The following CCDC148 variants were observed in gnomAD, a reference collection of about 807,000 sequenced individuals.
The protein encoded by CCDC148 is coiled-coil domain-containing protein 148.
A neutral mutation model predicts 85.7 loss-of-function variants in CCDC148; 89 were observed. The ratio of observed to expected loss-of-function variants is 1.04; its 90% CI spans 0.87 to 1.24. CCDC148 has a LOEUF of 1.24. Among genes scored for constraint, CCDC148 ranks in the 50% most tolerant of loss-of-function variants. The pLI, the probability that CCDC148 is intolerant of heterozygous loss-of-function variation, is 0.00. For synonymous variants in CCDC148, 230 were observed against 213.9 expected (o/e 1.08, Z -0.66); for missense variants, 692 against 671.7 (o/e 1.03, Z -0.33).
chr2:158,281,274 A>G (rs1690279120), intron 9 of CCDC148, among the ~76,000 whole-genome samples: 1 of 152,096 alleles, frequency 6.6e-6, no homozygotes, highest in South Asian at 2.1e-4. Context: ...AAATAACGAA[A>G]ATCAGAGCAG....
chr2:158,362,068 C>A (rs1183372518), intron 1 of CCDC148, among the ~76,000 whole-genome samples: 3 of 147,530 alleles, frequency 2.0e-5, no homozygotes, highest in Non-Finnish European at 4.5e-5. Flanking sequence ...CAACAAAAAT[C>A]AAAAGAGACA....
rs1163440123 is a variant in CCDC148, at chr2:158,456,511, C to T, written c.-72G>A. ...AAAGTGAAACGCCCACTCCTGGGCT[C>T]TCGCCGTCAGGGGTACATCTAAGGG... On this transcript the variant is annotated 5_prime_UTR_variant, in exon 1 of 14. Transcript: ENST00000283233. 29 of 1,563,860 alleles carry T rather than the reference C, an allele frequency of 1.9e-5. No homozygotes were observed. The highest frequency in any genetic ancestry group is 2.5e-5 in the Non-Finnish European group (29 of 1,153,682).
chr2:158,217,374 G>GTATATA (rs762560897), intron 11 of CCDC148, among the ~76,000 whole-genome samples: 39 of 98,520 alleles, frequency 4.0e-4, no homozygotes, highest in Non-Finnish European at 7.6e-4. Context: ...GTGTGTGTGT[G>GTATATA]TATATATATA....
chr2:158,398,371 T>G (rs971950676), intron 1 of CCDC148, among the ~76,000 whole-genome samples: 2 of 152,124 alleles, frequency 1.3e-5, no homozygotes, highest in African/African-American at 4.8e-5. Context: ...GACCACATAG[T>G]TGGAAGTAAA....
In CCDC148 at chr2:158,278,050, T is replaced by C. The variant is rs531670192; in HGVS notation, c.1111-27138A>G. Among the ~76,000 whole-genome samples the C allele has an allele frequency of 6.6e-5, 10 of 152,328 alleles. No homozygotes were observed. In the South Asian group the frequency reaches 1.9e-3, roughly 28 times the overall value. ...CCTCAGTCATTAGAGTGTCCCCTTC[T>C]AACCAGATCCACAAATAATCTATGT... On this transcript the variant is annotated intron_variant, in intron 9 of 13. Transcript: ENST00000283233.
At chr2:158,380,632 T>G (rs1218167333) in intron 1 of CCDC148, among the ~76,000 whole-genome samples, 2 of 152,160 alleles carry the variant, frequency 1.3e-5, no homozygotes, top group Non-Finnish European at 2.9e-5. Context: ...TTTAAAAATA[T>G]GTATAGAAAT....
intron 3 of CCDC148, among the ~76,000 whole-genome samples, chr2:158,344,693 A>G (rs568749786): frequency 6.6e-6 from 1 of 152,224 alleles, no homozygotes; most frequent in Admixed American, 6.5e-5. Flanking sequence ...AAATAATAAC[A>G]AAAGTCAAAA....
At chr2:158,256,892 G>A (rs1244697322) in intron 9 of CCDC148, among the ~76,000 whole-genome samples, 1 of 151,692 alleles carries the variant, frequency 6.6e-6, no homozygotes, top group African/African-American at 2.4e-5. Context: ...TGTTTGGAAT[G>A]ACCCAAGGGA....
chr2:158,216,901 G>GCAA (rs557665511), intron 11 of CCDC148, among the ~76,000 whole-genome samples: 384 of 152,200 alleles, frequency 2.5e-3, no homozygotes, highest in African/African-American at 8.9e-3. Context: ...TTTGATCCTT[G>GCAA]CAACAATCTT....
chr2:158,278,645 C>T (rs1400913207), intron 9 of CCDC148, among the ~76,000 whole-genome samples: 1 of 152,244 alleles, frequency 6.6e-6, no homozygotes, highest in Non-Finnish European at 1.5e-5. Flanking sequence ...GGGTGGAGCC[C>T]ACCACAGCTC....
In CCDC148 at chr2:158,331,852, T is replaced by C. The variant is rs894796755; in HGVS notation, c.764+6874A>G. On this transcript the variant is annotated intron_variant, in intron 7 of 13. Transcript: ENST00000283233. ...ACACCTGCCTTTTTCTGTTTTCCAT[T>C]TGCTTGGTAGATCTTCCTCTATCCC... Among the ~76,000 whole-genome samples the C allele has an allele frequency of 3.9e-5, 6 of 152,190 alleles. No individual in the cohort carries two copies. In the East Asian group the frequency reaches 7.7e-4, roughly 20 times the overall value.
intron 9 of CCDC148, among the ~76,000 whole-genome samples, chr2:158,293,002 T>C (rs1023549896): frequency 2.0e-5 from 3 of 152,170 alleles, no homozygotes; most frequent in South Asian, 2.1e-4. Context: ...TGGATCAGGA[T>C]TGGTGTTAGG....
At chr2:158,336,083 C>T (rs1305602964) in intron 7 of CCDC148, among the ~76,000 whole-genome samples, 1 of 152,134 alleles carries the variant, frequency 6.6e-6, no homozygotes, top group Non-Finnish European at 1.5e-5. Context: ...TATGCACACA[C>T]TTCCACATAC....
rs547623087 is a variant in CCDC148 at position 158,424,328 on chromosome 2, C to G, written c.25+32087G>C. On this transcript the variant is annotated intron_variant, in intron 1 of 13. Transcript: ENST00000283233. Reference sequence around the variant, plus strand: ...ACTTGGAACCAACCCAAATGTCCATCAATGATAGACTGGATTAAGAAAATG... The same window carrying G: ...ACTTGGAACCAACCCAAATGTCCATGAATGATAGACTGGATTAAGAAAATG... Among the ~76,000 whole-genome samples the G allele has an allele frequency of 1.1e-3, 161 of 152,232 alleles. 1 individual carries two copies. Among genetic ancestry groups the G allele is most frequent in the South Asian group, 3.7e-3 (18 of 4,816 alleles).
At chr2:158,185,781 A>G (rs971595995) in intron 11 of CCDC148, among the ~76,000 whole-genome samples, 2 of 152,060 alleles carry the variant, frequency 1.3e-5, no homozygotes, top group East Asian at 3.9e-4. Context: ...TAATCCTTTT[A>G]TATCTTTACA....
chr2:158,351,001 T>C (rs964085322), intron 2 of CCDC148, among the ~76,000 whole-genome samples: 25 of 152,142 alleles, frequency 1.6e-4, no homozygotes, highest in African/African-American at 5.8e-4. Flanking sequence ...CCTATCTCAT[T>C]GTAACTTCAT....
In CCDC148 at chr2:158,397,039, G is replaced by A. The variant is rs112714102; in HGVS notation, c.26-38469C>T. On this transcript the variant is annotated intron_variant, in intron 1 of 13. Transcript: ENST00000283233. ...TGCTGCTGACCTTGAGAACAGGGAT[G>A]TACGGTGCAAAATGAAGTGAGAGCA... 4.0e-3 allele frequency among the ~76,000 whole-genome samples: 608 copies of A among 152,128 alleles called. 2 individuals carry two copies. Among genetic ancestry groups the A allele is most frequent in the African/African-American group, 0.014 (582 of 41,526 alleles).
At chr2:158,353,027 G>A (rs1328451741) in intron 2 of CCDC148, among the ~76,000 whole-genome samples, 1 of 151,540 alleles carries the variant, frequency 6.6e-6, no homozygotes, top group Non-Finnish European at 1.5e-5. Flanking sequence ...AGCAAATGCT[G>A]AGAGATTTTG....
At chr2:158,390,628 C>T (rs905440654) in intron 1 of CCDC148, among the ~76,000 whole-genome samples, 3 of 152,162 alleles carry the variant, frequency 2.0e-5, no homozygotes, top group Admixed American at 2.0e-4. Context: ...CAAAGCTTAA[C>T]AGCTGTCATA....
Sources: allele counts gnomAD v4.1 joint callset (sites outside exome capture counted in the v4.1 genomes callset), GRCh38; gene constraint gnomAD v4.1.1; transcripts MANE v1.5; gene names NCBI Gene and HGNC (gene_info 2026-07-23, HGNC 2026-07-21).